RSRP1: variants seen among roughly 807,000 people sequenced by gnomAD.
RSRP1 encodes arginine/serine-rich protein 1.
RSRP1 carries 37 observed loss-of-function variants against 33.0 expected under a neutral mutation model. That is an observed-to-expected ratio of 1.12 (90% CI 0.86 to 1.48). The LOEUF is 1.48. Ranked by LOEUF, RSRP1 falls within the 40% of genes most tolerant of loss-of-function variation. The pLI is 0.00. For missense variants in RSRP1, 402 were observed against 385.3 expected, an observed-to-expected ratio of 1.04 and a Z score of -0.36; for synonymous variants, 167 against 158.7, an observed-to-expected ratio of 1.05 and a Z score of -0.40.
Position 25,333,005 on chromosome 1 carries a change from T to G in RSRP1, c.-67+4973A>C, listed in dbSNP as rs1247853915. On this transcript the variant is annotated intron_variant, in intron 1 of 1. Transcript: ENST00000561867. ...TGATATAATTCTTAGCCCAAAGGCC[T>G]TAGAACCCCAGCGGTGACGGAAAGG... Among the ~76,000 whole-genome samples, 2 of 131,238 alleles carry G rather than the reference T, an allele frequency of 1.5e-5. 1 individual carries two copies. Among genetic ancestry groups the G allele is most frequent in the East Asian group, 3.9e-4 (2 of 5,122 alleles). The allele number at this position is 131,238 out of a possible 152,430, so 86.1% of individuals were successfully genotyped here.
upstream of RSRP1, among the ~76,000 whole-genome samples, chr1:25,252,361 G>A (rs1639813247): frequency 6.6e-6 from 1 of 151,800 alleles, no homozygotes; most frequent in Admixed American, 6.6e-5. Context: ...AAGGTGCATT[G>A]AGCAAATAGC....
Position 25,320,889 on chromosome 1 carries a change from A to C in RSRP1, c.-67+17089T>G, listed in dbSNP as rs1644660957. ...AAGTCCTGTCTCTGCAAAAAATACC[A>C]AAAACTGAGCTGGATATGGTAGCAC... On this transcript the variant is annotated intron_variant, in intron 1 of 1. Transcript: ENST00000561867. Among the ~76,000 whole-genome samples, 10 of 130,324 alleles carry C rather than the reference A, an allele frequency of 7.7e-5. 4 individuals are homozygous for C. The South Asian group carries it at 2.4e-3, about 31-fold the overall frequency. The allele number at this position is 130,324 out of a possible 152,430, so 85.5% of individuals were successfully genotyped here. A position where few individuals can be genotyped will look rare whatever the true frequency, so the allele number is the denominator to read the frequency against.
At position 25,306,957 on chromosome 1, in the gene RSRP1, T is replaced by C. The variant is rs189073638; in HGVS notation, c.-67+31021A>G. On this transcript the variant is annotated intron_variant, in intron 1 of 1. Coordinates refer to the RSRP1 transcript ENST00000561867. ...CTTTCCAAATAGGGCCACCTAGGTA[T>C]AGACCAAAGACACGAAATCTTTTGT... 2.2e-5 allele frequency: 11 copies of C among 493,820 alleles called. 3 individuals carry two copies. Among genetic ancestry groups the C allele is most frequent in the Non-Finnish European group, 4.1e-5 (10 of 246,902 alleles). 30.6% of individuals were successfully genotyped at this position (493,820 alleles called of 1,614,324 possible). A position where few individuals can be genotyped will look rare whatever the true frequency, so the allele number is the denominator to read the frequency against.
chr1:25,321,486 C>T (rs1644699205), intron 1 of RSRP1, among the ~76,000 whole-genome samples: 1 of 109,026 alleles, frequency 9.2e-6, no homozygotes, highest in Non-Finnish European at 2.1e-5. Context: ...CATGGTGAAA[C>T]TCCATCTCTA....
chr1:25,311,099 T>C lies in RSRP1; in HGVS notation c.-67+26879A>G, dbSNP rs1253123998. Reference sequence around the variant, plus strand: ...AACTTCTTAATGGTTACTGAAGTCGTTGAGATCAGAGTGCTGATAGAAATA... The same window carrying C: ...AACTTCTTAATGGTTACTGAAGTCGCTGAGATCAGAGTGCTGATAGAAATA... On this transcript the variant is annotated intron_variant, in intron 1 of 1. Coordinates refer to the RSRP1 transcript ENST00000561867. Among the ~76,000 whole-genome samples the C allele has an allele frequency of 3.0e-5, 4 of 132,448 alleles. 1 individual carries two copies. The allele number at this position is 132,448 out of a possible 152,430, so 86.9% of individuals were successfully genotyped here. A position where few individuals can be genotyped will look rare whatever the true frequency, so the allele number is the denominator to read the frequency against.
intron 3 of RSRP1, chr1:25,244,757 T>TC (rs1264358734): frequency 9.2e-7 from 1 of 1,081,248 alleles, no homozygotes; most frequent in Non-Finnish European, 1.2e-6. Context: ...CCATCTTGGC[T>TC]CACTGCAACC....
At position 25,301,111 on chromosome 1, in the gene RSRP1, T is replaced by A. The variant is rs1191858456; in HGVS notation, c.-67+36867A>T. The A allele has an allele frequency of 5.8e-6, 8 of 1,373,884 alleles. 3 individuals carry two copies. The highest frequency in any genetic ancestry group is 8.2e-6 in the Non-Finnish European group (8 of 976,832). The allele number at this position is 1,373,884 out of a possible 1,614,324, so 85.1% of individuals were successfully genotyped here. A position where few individuals can be genotyped will look rare whatever the true frequency, so the allele number is the denominator to read the frequency against. ...CATGCTGGGTAAGGACAAGGTGGGG[T>A]GAGTGGTCTCCTACTTGGGCTGAGC... is the stretch of plus-strand genomic sequence containing the variant. On this transcript the variant is annotated intron_variant, in intron 1 of 1. Transcript: ENST00000561867.
At chr1:25,285,206 C>T (rs893242997) in intron 1 of RSRP1, among the ~76,000 whole-genome samples, 1 of 131,356 alleles carries the variant, frequency 7.6e-6, no homozygotes, top group African/African-American at 2.7e-5. Flanking sequence ...GCTATCTCGG[C>T]ACACCACAAC....
rs1420628423 is a variant in RSRP1 at position 25,322,139 on chromosome 1, G to A, written c.-67+15839C>T. 1.5e-5 allele frequency among the ~76,000 whole-genome samples: 2 copies of A among 131,260 alleles called. 1 individual carries two copies. Among genetic ancestry groups the A allele is most frequent in the South Asian group, 4.7e-4 (2 of 4,278 alleles). 86.1% of individuals were successfully genotyped at this position (131,260 alleles called of 152,430 possible). A position where few individuals can be genotyped will look rare whatever the true frequency, so the allele number is the denominator to read the frequency against. ...CATGATATGCATGTGTGTGGGGGAG[G>A]GTGGCGGGGAGGTGGTAAAGGTCAC... On this transcript the variant is annotated intron_variant, in intron 1 of 1. Transcript: ENST00000561867.
At chr1:25,249,084 G>A (rs1286879582), upstream of RSRP1, among the ~76,000 whole-genome samples, 1 of 152,184 alleles carries the variant, frequency 6.6e-6, no homozygotes, top group South Asian at 2.1e-4. Flanking sequence ...GAGAGGCGGA[G>A]GTTGCAGTGA....
In RSRP1 at chr1:25,300,389, G is replaced by A. The variant is rs539728186; in HGVS notation, c.-67+37589C>T. ...TGGCCAGGCATGGTTGTACATTCCTGTAATCCCAGCTACTCAGGAGGCTGA... is the reference window on the plus strand; with the variant it reads ...TGGCCAGGCATGGTTGTACATTCCTATAATCCCAGCTACTCAGGAGGCTGA... On this transcript the variant is annotated intron_variant, in intron 1 of 1. Transcript: ENST00000561867. 1.5e-4 allele frequency among the ~76,000 whole-genome samples: 20 copies of A among 130,368 alleles called. 3 individuals carry two copies. The highest frequency in any genetic ancestry group is 5.3e-4 in the African/African-American group (20 of 37,788). 85.5% of individuals were successfully genotyped at this position (130,368 alleles called of 152,430 possible).
chr1:25,271,886 C>G (rs1486697354), intron 1 of RSRP1, among the ~76,000 whole-genome samples: 1 of 131,256 alleles, frequency 7.6e-6, no homozygotes, highest in African/African-American at 2.6e-5. Flanking sequence ...GAGCCAAACC[C>G]ACATCTCCTT....
At chr1:25,283,693 G>T (rs1454113004) in intron 1 of RSRP1, among the ~76,000 whole-genome samples, 1 of 133,982 alleles carries the variant, frequency 7.5e-6, no homozygotes, top group South Asian at 2.2e-4. Flanking sequence ...TTAAAACAGC[G>T]TAGGCACATG....
chr1:25,246,344 G>A (rs1467272935), intron 2 of RSRP1, 100 bp downstream of exon 2: 5 of 1,513,708 alleles, frequency 3.3e-6, no homozygotes, highest in Non-Finnish European at 4.4e-6. Context: ...GGGCACTAAA[G>A]GAACTAATAT....
upstream of RSRP1, among the ~76,000 whole-genome samples, chr1:25,251,830 A>G (rs936986499): frequency 6.6e-5 from 10 of 152,240 alleles, no homozygotes; most frequent in East Asian, 1.9e-3. Context: ...ACCAATGTTA[A>G]CAGTTTAACG....
Position 25,246,525 on chromosome 1 carries a change from A to G in RSRP1, c.439T>C (p.Tyr147His), listed in dbSNP as rs34619962. 7.5e-3 allele frequency: 12,099 copies of G among 1,614,222 alleles called. 56 individuals are homozygous for G. Among genetic ancestry groups the G allele is most frequent in the Non-Finnish European group, 8.8e-3 (10,339 of 1,180,038 alleles). The part of the protein sequence containing the change: ...QRYYGFGRTV[Y>H]PEEHSRWRDR... Reference sequence around the variant, plus strand: ...CTCCATCTGCTGTGCTCCTCCGGGTACACTGTGCGACCAAAGCCGTAGTAG... The same window carrying G: ...CTCCATCTGCTGTGCTCCTCCGGGTGCACTGTGCGACCAAAGCCGTAGTAG... Residue 147 changes from tyrosine (Y) to histidine (H), a missense_variant, in exon 2 of 5, where the codon TAC becomes CAC. Physicochemically the swap from Tyr to His is moderately conservative, Grantham distance 83. Coordinates refer to ENST00000243189, the MANE Select transcript of RSRP1 (RefSeq NM_020317.5).
intron 1 of RSRP1, chr1:25,301,156 T>C (rs1643358256): frequency 1.5e-6 from 2 of 1,316,200 alleles, no homozygotes; most frequent in Admixed American, 3.6e-5. Context: ...CAGAAAAGGC[T>C]CTGGCTGAAA....
chr1:25,296,301 C>T (rs113650350), intron 1 of RSRP1, among the ~76,000 whole-genome samples: 3 of 126,354 alleles, frequency 2.4e-5, no homozygotes, highest in Admixed American at 2.3e-4. Flanking sequence ...GGCTGGAGTG[C>T]GGTGGTGTGA....
chr1:25,286,647 G>A (rs560596376), intron 1 of RSRP1, among the ~76,000 whole-genome samples: 10 of 134,238 alleles, frequency 7.4e-5, no homozygotes, highest in East Asian at 3.9e-4. Context: ...TTAGCCGGGC[G>A]TGGTGGTGGG....
Sources: gnomAD v4.1 joint callset for allele counts (sites outside exome capture counted in the v4.1 genomes callset) on GRCh38, gnomAD v4.1.1 for gene constraint, MANE v1.5 for transcripts, NCBI Gene and HGNC (gene_info 2026-07-23, HGNC 2026-07-21) for gene names.